Variants in MYO3B observed in about 807,000 individuals in gnomAD.
MYO3B encodes myosin IIIB, also known as myosin-IIIb.
A neutral mutation model predicts 174.6 loss-of-function variants in MYO3B; 156 were observed. The ratio of observed to expected loss-of-function variants is 0.89; its 90% CI spans 0.78 to 1.02. The LOEUF is 1.02. MYO3B is among the 50% of genes least tolerant of loss of function. The pLI is 0.00. For synonymous variants in MYO3B, 563 were observed against 569.1 expected, an observed-to-expected ratio of 0.99 and a Z score of 0.15; for missense variants, 1,632 against 1,639.4, an observed-to-expected ratio of 1.00 and a Z score of 0.08.
At chr2:170,322,766 C>T (rs961607568) in intron 7 of MYO3B, among the ~76,000 whole-genome samples, 1 of 152,186 alleles carries the variant, frequency 6.6e-6, no homozygotes, top group African/African-American at 2.4e-5. Flanking sequence ...CTTCTGTGGG[C>T]ATTGGCATGC....
intron 7 of MYO3B, among the ~76,000 whole-genome samples, chr2:170,276,620 G>C (rs754187540): frequency 6.6e-6 from 1 of 152,126 alleles, no homozygotes; most frequent in Non-Finnish European, 1.5e-5. Flanking sequence ...ATTGATATGA[G>C]AGCCTAAAGT....
At chr2:170,293,214 C>CAA (rs2093607464) in intron 7 of MYO3B, among the ~76,000 whole-genome samples, 3 of 152,114 alleles carry the variant, frequency 2.0e-5, no homozygotes, top group Admixed American at 2.0e-4. Flanking sequence ...GGAAATGAAG[C>CAA]TAGATTGTTT....
At chr2:170,576,391 C>A (rs1460699233) in intron 32 of MYO3B, among the ~76,000 whole-genome samples, 3 of 152,192 alleles carry the variant, frequency 2.0e-5, no homozygotes, top group African/African-American at 7.2e-5. Flanking sequence ...TGAAATCAAG[C>A]ATTGCTGCCA....
chr2:170,358,303 C>G (rs1344811308), intron 8 of MYO3B, among the ~76,000 whole-genome samples: 1 of 151,840 alleles, frequency 6.6e-6, no homozygotes, highest in Non-Finnish European at 1.5e-5. Flanking sequence ...TATGAATGAA[C>G]CTTGAAAACA....
chr2:170,494,745 A>AG, intron 25 of MYO3B, among the ~76,000 whole-genome samples: 1 of 151,112 alleles, frequency 6.6e-6, no homozygotes, highest in African/African-American at 2.4e-5. Flanking sequence ...AAAAAAAAAA[A>AG]AAAGAAGAAG....
chr2:170,217,459 A>G, intron 6 of MYO3B, 64 bp downstream of exon 6: 2 of 1,362,198 alleles, frequency 1.5e-6, no homozygotes, highest in East Asian at 2.3e-5. Context: ...ATGCCTTTTT[A>G]TGGGTAAGTC....
intron 32 of MYO3B, among the ~76,000 whole-genome samples, chr2:170,581,309 G>A (rs986830912): frequency 2.0e-5 from 3 of 152,016 alleles, no homozygotes; most frequent in African/African-American, 4.8e-5. Flanking sequence ...GGTGAACTAC[G>A]TATTCATGTC....
At chr2:170,399,473 CAAAA>C (rs11296778) in intron 16 of MYO3B, among the ~76,000 whole-genome samples, 70 of 123,612 alleles carry the variant, frequency 5.7e-4, no homozygotes, top group East Asian at 4.3e-3. Flanking sequence ...GACTCTATCT[CAAAA>C]AAAAAAAAAA....
intron 21 of MYO3B, among the ~76,000 whole-genome samples, chr2:170,407,215 A>G (rs1481058177): frequency 6.6e-6 from 1 of 152,190 alleles, no homozygotes; most frequent in Admixed American, 6.5e-5. Context: ...TAATCCCAGC[A>G]CTTTGGGAGG....
chr2:170,400,378 A>G, intron 17 of MYO3B, 64 bp downstream of exon 17: 1 of 1,557,042 alleles, frequency 6.4e-7, no homozygotes, highest in East Asian at 2.3e-5. Context: ...GGCTCTGTAA[A>G]ATATAATGCA....
At chr2:170,383,868 C>A in intron 12 of MYO3B, 54 bp downstream of exon 12, 2 of 1,411,588 alleles carry the variant, frequency 1.4e-6, no homozygotes, top group Non-Finnish European at 2.0e-6. Flanking sequence ...CATGTTGTGT[C>A]TTCCTCGTCA....
chr2:170,401,012 A>G (rs1248123888), intron 17 of MYO3B, among the ~76,000 whole-genome samples: 2 of 152,144 alleles, frequency 1.3e-5, no homozygotes, highest in Non-Finnish European at 2.9e-5. Flanking sequence ...CAGCATATAC[A>G]GGAGAGAAAG....
intron 32 of MYO3B, among the ~76,000 whole-genome samples, chr2:170,635,980 G>T (rs1697432009): frequency 6.6e-6 from 1 of 152,210 alleles, no homozygotes; most frequent in East Asian, 1.9e-4. Context: ...TCACAACTTA[G>T]ATGATCAGCT....
At chr2:170,352,762 C>T (rs761759164) in intron 8 of MYO3B, among the ~76,000 whole-genome samples, 2 of 152,200 alleles carry the variant, frequency 1.3e-5, no homozygotes, top group Non-Finnish European at 2.9e-5. Flanking sequence ...TTCTAGGATA[C>T]TATTGTTTAC....
At chr2:170,307,797 G>T (rs2093711044) in intron 7 of MYO3B, among the ~76,000 whole-genome samples, 1 of 152,180 alleles carries the variant, frequency 6.6e-6, no homozygotes, top group Non-Finnish European at 1.5e-5. Context: ...ATTTATATCT[G>T]CTTTTAATTA....
Position 170,199,263 on chromosome 2 carries a change from C to T in MYO3B, c.58C>T (p.Leu20Phe), listed in dbSNP as rs751448443. The change falls in exon 2 of 35, where the codon CTT becomes TTT. Residue 20 changes from leucine to phenylalanine, a missense_variant. Leu to Phe is a conservative substitution (Grantham distance 22). Transcript: ENST00000408978. The stretch of plus-strand genomic sequence containing the variant: ...TCCTATGATGCTTGGACTTGAATCA[C>T]TTCCAGATCCCACAGACACCTGGGA... Reference protein sequence around the residue: ...YNPMMLGLESLPDPTDTWEII... With the variant: ...YNPMMLGLESFPDPTDTWEII... 6.2e-7 allele frequency: 1 copy of T among 1,613,590 alleles called. No homozygotes were observed. Among genetic ancestry groups the T allele is most frequent in the Admixed American group, 1.7e-5 (1 of 59,978 alleles).
intron 22 of MYO3B, among the ~76,000 whole-genome samples, chr2:170,435,102 C>G (rs1407977004): frequency 1.3e-5 from 2 of 152,250 alleles, no homozygotes; most frequent in Non-Finnish European, 2.9e-5. Flanking sequence ...CTGTCTCAAG[C>G]TTGCTCCCAA....
intron 7 of MYO3B, among the ~76,000 whole-genome samples, chr2:170,326,324 T>C (rs1385969647): frequency 2.0e-5 from 3 of 151,250 alleles, no homozygotes; most frequent in African/African-American, 7.4e-5. Context: ...AAAATAATAA[T>C]TTTTTTAAAA....
chr2:170,409,771 A>G (rs17579813), intron 22 of MYO3B, among the ~76,000 whole-genome samples: 24,853 of 152,310 alleles, frequency 0.16, 2,270 homozygotes, highest in East Asian at 0.34. Flanking sequence ...CATTTTCTAT[A>G]TGGAATTTTC....
Sources: gnomAD v4.1 joint callset for allele counts (sites outside exome capture counted in the v4.1 genomes callset) on GRCh38, gnomAD v4.1.1 for gene constraint, MANE v1.5 for transcripts, NCBI Gene and HGNC (gene_info 2026-07-23, HGNC 2026-07-21) for gene names.